Variants in HNF4A observed in about 807,000 individuals in gnomAD.
HNF4A encodes the protein hepatocyte nuclear factor 4-alpha.
In HNF4A, 15 loss-of-function variants were observed where a neutral mutation model predicts 52.4. The observed-to-expected ratio is 0.29, with a 90% CI of 0.19 to 0.44. The LOEUF (loss-of-function observed/expected upper bound fraction) is 0.44, where lower values mean the gene tolerates loss of function less well. HNF4A is among the 20% of genes least tolerant of loss of function. The pLI is 1.00. For missense variants in HNF4A, 479 were observed against 647.2 expected (o/e 0.74, Z 2.82); for synonymous variants, 280 against 264.4 (o/e 1.06, Z -0.57).
chr20:44,413,923 C>T, intron 4 of HNF4A, 123 bp downstream of exon 4: 8 of 725,556 alleles, frequency 1.1e-5, no homozygotes, highest in Non-Finnish European at 2.0e-5. Context: ...TCAGATATTA[C>T]AGAAGGGACA....
At chr20:44,360,827 T>A (rs2062908874) in intron 1 of HNF4A, among the ~76,000 whole-genome samples, 1 of 152,202 alleles carries the variant, frequency 6.6e-6, no homozygotes, top group South Asian at 2.1e-4. Flanking sequence ...CTCTGCCCCT[T>A]GAAGCTCTAT....
intron 1 of HNF4A, among the ~76,000 whole-genome samples, chr20:44,356,130 T>A (rs769213719): frequency 1.3e-5 from 2 of 152,138 alleles, no homozygotes; most frequent in Non-Finnish European, 2.9e-5. Context: ...GGAATGCATC[T>A]CAGGGGTCTT....
chr20:44,419,699 C>G, intron 6 of HNF4A, 22 bp from the exon 7 acceptor site: 3 of 1,581,318 alleles, frequency 1.9e-6, no homozygotes, highest in Non-Finnish European at 2.6e-6. Flanking sequence ...TTCCCATCCT[C>G]CCTCCCTCCC....
intron 8 of HNF4A, among the ~76,000 whole-genome samples, chr20:44,425,629 C>T (rs1020567683): frequency 6.6e-6 from 1 of 150,580 alleles, no homozygotes; most frequent in Non-Finnish European, 1.5e-5. Context: ...CCTCAGAGAT[C>T]CATTGTGGAC....
rs1300610253 is a variant in HNF4A at position 44,401,246 on chromosome 20, C to T, written c.-127C>T. On this transcript the variant is annotated 5_prime_UTR_variant, in exon 1 of 10. Transcript: ENST00000316099. ...TAGGCCAAGACTCCCAGCAGATCTT[C>T]CCAGAGGACGGTTTGAAAGGAAGGC... is the stretch of plus-strand genomic sequence containing the variant. 6 of 1,560,364 alleles carry T rather than the reference C, an allele frequency of 3.8e-6. No individual in the cohort carries two copies. In the East Asian group the frequency reaches 1.2e-4, roughly 30 times the overall value.
intron 1 of HNF4A, 64 bp downstream of exon 1, chr20:44,355,917 A>G: frequency 2.1e-6 from 3 of 1,396,474 alleles, no homozygotes; most frequent in Non-Finnish European, 3.0e-6. Context: ...AGGCCATGGG[A>G]CACCTCCCCG....
exon 1 of HNF4A, chr20:44,355,853 G>A (rs765862207): frequency 1.3e-5 from 21 of 1,610,960 alleles, no homozygotes; most frequent in Middle Eastern, 1.6e-4. Flanking sequence ...GAGTTCTTAC[G>A]GTAAGTGGGG....
chr20:44,371,045 C>T (rs534477160), intron 1 of HNF4A, among the ~76,000 whole-genome samples: 31 of 152,312 alleles, frequency 2.0e-4, no homozygotes, highest in South Asian at 1.4e-3. Context: ...GAGCAGGCGG[C>T]CCTGCCCTGG....
At position 44,402,432 on chromosome 20, in the gene HNF4A, C is replaced by T. The variant is rs1282130929; in HGVS notation, c.115+945C>T. On this transcript the variant is annotated intron_variant, in intron 1 of 9. Transcript: ENST00000316099. ...CTGTGTATATATGCAGTTCCCTGTGCTGCGGGCGGGGGTCAGCGGTCTCTG... is the reference window on the plus strand; with the variant it reads ...CTGTGTATATATGCAGTTCCCTGTGTTGCGGGCGGGGGTCAGCGGTCTCTG... 1.0e-4 allele frequency: 46 copies of T among 462,076 alleles called. 1 individual carries two copies. The highest frequency in any genetic ancestry group is 8.2e-4 in the South Asian group (46 of 56,284). 28.6% of individuals were successfully genotyped at this position (462,076 alleles called of 1,614,324 possible).
At chr20:44,407,954 G>T (rs1336261269) in intron 3 of HNF4A, among the ~76,000 whole-genome samples, 2 of 152,112 alleles carry the variant, frequency 1.3e-5, no homozygotes, top group Non-Finnish European at 2.9e-5. Context: ...ATTCATTCGT[G>T]GGTATCACGT....
chr20:44,424,996 C>A (rs975745005), intron 8 of HNF4A, among the ~76,000 whole-genome samples: 3 of 152,134 alleles, frequency 2.0e-5, no homozygotes, highest in Admixed American at 6.5e-5. Flanking sequence ...TATTTTTATT[C>A]TTTGAGACAA....
rs760173369 is a variant in HNF4A, at chr20:44,419,752, G to A, written c.768G>A (p.Pro256=). The A allele has an allele frequency of 1.4e-5, 21 of 1,546,756 alleles. No individual in the cohort carries two copies. Among genetic ancestry groups the A allele is most frequent in the Middle Eastern group, 3.5e-4 (2 of 5,682 alleles). The change falls in exon 7 of 10, where the codon CCG becomes CCA. Residue 256 remains proline (P), a synonymous_variant. Coordinates refer to ENST00000316099, the MANE Select transcript of HNF4A (RefSeq NM_000457.6). ...ACTACATTGTCCCTCGGCACTGCCC[G>A]GAGCTGGCGGAGATGAGCCGGGTGT...
intron 3 of HNF4A, among the ~76,000 whole-genome samples, chr20:44,409,077 A>C (rs1196087454): frequency 6.6e-6 from 1 of 150,646 alleles, no homozygotes; most frequent in African/African-American, 2.4e-5. Context: ...TCCTTATGGG[A>C]CCTTAGTCTG....
chr20:44,381,648 TCACCCAGGATGGCGTGCAGCGG>T, intron 1 of HNF4A, among the ~76,000 whole-genome samples: 1 of 152,208 alleles, frequency 6.6e-6, no homozygotes, highest in Admixed American at 6.5e-5. Flanking sequence ...TCTCAATCTA[TCACCCAGGATGGCGTGCAGCGG>T]CACGATCTCA....
chr20:44,405,134 G>C (rs2063482666), intron 1 of HNF4A, among the ~76,000 whole-genome samples: 1 of 68,466 alleles, frequency 1.5e-5, no homozygotes, highest in Non-Finnish European at 3.2e-5. Flanking sequence ...TGGACTGTGT[G>C]GCACACACGC....
At chr20:44,400,678 C>A (rs557482177), upstream of HNF4A, among the ~76,000 whole-genome samples, 7 of 152,038 alleles carry the variant, frequency 4.6e-5, no homozygotes, top group East Asian at 1.9e-4. Context: ...GGAGCAGGAG[C>A]GGGGAATTGG....
chr20:44,425,366 G>C (rs2063803098), intron 8 of HNF4A, among the ~76,000 whole-genome samples: 1 of 152,220 alleles, frequency 6.6e-6, no homozygotes, highest in South Asian at 2.1e-4. Flanking sequence ...CCAATCATGT[G>C]ATGGATGATG....
At chr20:44,400,391 A>G (rs1280607663), upstream of HNF4A, among the ~76,000 whole-genome samples, 2 of 152,158 alleles carry the variant, frequency 1.3e-5, no homozygotes, top group Non-Finnish European at 2.9e-5. Flanking sequence ...TTGGTGCTTG[A>G]TTTATGCCAT....
At chr20:44,370,128 G>T (rs988779994) in intron 1 of HNF4A, among the ~76,000 whole-genome samples, 7 of 152,140 alleles carry the variant, frequency 4.6e-5, no homozygotes, top group Non-Finnish European at 8.8e-5. Context: ...CCGGGTTCAC[G>T]CCATTCTCCC....
Sources: allele counts gnomAD v4.1 joint callset (sites outside exome capture counted in the v4.1 genomes callset), GRCh38; gene constraint gnomAD v4.1.1; transcripts MANE v1.5; gene names NCBI Gene and HGNC (gene_info 2026-07-23, HGNC 2026-07-21).